ATP13A4: variants seen among roughly 807,000 people sequenced by gnomAD.
The protein encoded by ATP13A4 is probable cation-transporting ATPase 13A4.
ATP13A4 carries 114 observed loss-of-function variants against 142.5 expected under a neutral mutation model. That is an observed-to-expected ratio of 0.80 (90% confidence interval 0.69 to 0.93). The LOEUF (loss-of-function observed/expected upper bound fraction) is 0.93, where lower values mean the gene tolerates loss of function less well. ATP13A4 is among the 40% of genes least tolerant of loss of function. ATP13A4 has a pLI of 0.00. For synonymous variants in ATP13A4, 488 were observed against 514.8 expected, an observed-to-expected ratio of 0.95 and a Z score of 0.70; for missense variants, 1,392 against 1,454.0, an observed-to-expected ratio of 0.96 and a Z score of 0.69.
At chr3:193,577,450 G>A (rs573988936) in intron 2 of ATP13A4, among the ~76,000 whole-genome samples, 1 of 152,188 alleles carries the variant, frequency 6.6e-6, no homozygotes, top group East Asian at 1.9e-4. Context: ...TTAAAATCCA[G>A]CTCAAAACTC....
chr3:193,480,606 A>G (rs1719234971), intron 8 of ATP13A4, among the ~76,000 whole-genome samples: 1 of 152,222 alleles, frequency 6.6e-6, no homozygotes, highest in South Asian at 2.1e-4. Context: ...AAGAACGGCC[A>G]TAATCAAAAA....
intron 1 of ATP13A4, among the ~76,000 whole-genome samples, chr3:193,551,943 T>G (rs1255949432): frequency 6.6e-6 from 1 of 152,192 alleles, no homozygotes; most frequent in Non-Finnish European, 1.5e-5. Context: ...CTGTTTGCTT[T>G]TGGTTTGTTA....
chr3:193,516,875 A>C (rs1314523221), intron 1 of ATP13A4, among the ~76,000 whole-genome samples: 1 of 152,124 alleles, frequency 6.6e-6, no homozygotes, highest in East Asian at 1.9e-4. Context: ...TTATTATCTT[A>C]ATTCCCCATT....
intron 2 of ATP13A4, among the ~76,000 whole-genome samples, chr3:193,513,119 A>G (rs1721226782): frequency 6.6e-6 from 1 of 152,238 alleles, no homozygotes. Flanking sequence ...CAGCTAAGCT[A>G]GAACATAGAA....
intron 25 of ATP13A4, among the ~76,000 whole-genome samples, chr3:193,426,735 T>TTTAA (rs1445749627): frequency 6.6e-6 from 1 of 151,898 alleles, no homozygotes; most frequent in Admixed American, 6.6e-5. Flanking sequence ...ATTAATACCA[T>TTTAA]TTAATGAAGG....
At chr3:193,515,407 G>A (rs530914394) in intron 1 of ATP13A4, among the ~76,000 whole-genome samples, 4 of 152,300 alleles carry the variant, frequency 2.6e-5, no homozygotes, top group Admixed American at 6.5e-5. Context: ...AAAGAACCAG[G>A]CCTTGAAATC....
chr3:193,549,073 T>C (rs2108726459), intron 1 of ATP13A4, among the ~76,000 whole-genome samples: 1 of 152,310 alleles, frequency 6.6e-6, no homozygotes, highest in African/African-American at 2.4e-5. Flanking sequence ...ACTGATAATT[T>C]TCAATGTCAG....
chr3:193,573,271 A>G (rs1371867435), intron 2 of ATP13A4, among the ~76,000 whole-genome samples: 1 of 93,598 alleles, frequency 1.1e-5, no homozygotes. Flanking sequence ...ATATATATAT[A>G]TATACATATA....
chr3:193,424,449 A>G (rs1259647595), intron 25 of ATP13A4, among the ~76,000 whole-genome samples: 1 of 149,888 alleles, frequency 6.7e-6, no homozygotes, highest in Non-Finnish European at 1.5e-5. Context: ...AAACTACAGT[A>G]ACTAAAACAG....
chr3:193,504,926 T>C (rs576081242), intron 2 of ATP13A4, among the ~76,000 whole-genome samples: 33 of 152,282 alleles, frequency 2.2e-4, no homozygotes, highest in South Asian at 4.1e-4. Flanking sequence ...TATGATTACA[T>C]AGCAGTTTGT....
At chr3:193,424,022 A>G (rs1221476751) in intron 25 of ATP13A4, among the ~76,000 whole-genome samples, 1 of 149,640 alleles carries the variant, frequency 6.7e-6, no homozygotes, top group Non-Finnish European at 1.5e-5. Flanking sequence ...TAGCTTTTAT[A>G]TAGGCTAATG....
rs149108771 is a variant in ATP13A4 at position 193,433,853 on chromosome 3, C to G, written c.2834G>C (p.Gly945Ala). ...GTTTTAAAATGTCTTACTTGTTACA[C>G]CAATAAGAGTTGTAATGGCCAGATC... Reference protein sequence around the residue: ...FQDLAITTLIGVTMNLNGAYP... With the variant: ...FQDLAITTLIAVTMNLNGAYP... The change falls in exon 25 of 30, where the codon GGT (glycine) becomes GCT (alanine). Residue 945 changes from glycine to alanine, a missense_variant. Transcript: ENST00000342695. 6.2e-7 allele frequency: 1 copy of G among 1,612,732 alleles called. No homozygotes were observed. Among genetic ancestry groups the G allele is most frequent in the South Asian group, 1.1e-5 (1 of 91,044 alleles).
At chr3:193,415,494 C>A (rs1715013005) in intron 25 of ATP13A4, among the ~76,000 whole-genome samples, 1 of 152,216 alleles carries the variant, frequency 6.6e-6, no homozygotes, top group Non-Finnish European at 1.5e-5. Context: ...ACTTGATCCA[C>A]CCCCTACTCA....
intron 24 of ATP13A4, among the ~76,000 whole-genome samples, 193 bp downstream of exon 24, chr3:193,435,455 A>G (rs111372918): frequency 2.0e-5 from 3 of 152,194 alleles, no homozygotes; most frequent in Non-Finnish European, 4.4e-5. Context: ...CAGAGAATTG[A>G]CATCAGCAAC....
intron 1 of ATP13A4, among the ~76,000 whole-genome samples, chr3:193,538,453 A>G (rs1722700939): frequency 6.6e-6 from 1 of 151,922 alleles, no homozygotes; most frequent in East Asian, 1.9e-4. Context: ...CAGGCAAGGG[A>G]AAGCTCCTCA....
upstream of ATP13A4, among the ~76,000 whole-genome samples, chr3:193,557,934 C>G (rs1444000848): frequency 6.6e-6 from 1 of 152,196 alleles, no homozygotes; most frequent in Non-Finnish European, 1.5e-5. Context: ...TCAGAGCAAG[C>G]CCATCAGCCT....
intron 25 of ATP13A4, among the ~76,000 whole-genome samples, chr3:193,416,006 A>G (rs1385436392): frequency 1.3e-5 from 2 of 152,184 alleles, no homozygotes; most frequent in East Asian, 1.9e-4. Flanking sequence ...AAAGTGTTGA[A>G]TAAGTACTCC....
intron 3 of ATP13A4, among the ~76,000 whole-genome samples, chr3:193,500,049 T>A (rs1038118986): frequency 6.6e-6 from 1 of 152,028 alleles, no homozygotes; most frequent in Non-Finnish European, 1.5e-5. Context: ...CTGCCAGGAG[T>A]TTATCTGCTT....
At chr3:193,441,617 C>A (rs1184790073) in intron 19 of ATP13A4, 29 bp from the exon 20 acceptor site, 1 of 1,610,568 alleles carries the variant, frequency 6.2e-7, no homozygotes. Context: ...TTATTTTAGA[C>A]TCTTTCATTT....
Sources: gnomAD v4.1 joint callset for allele counts (sites outside exome capture counted in the v4.1 genomes callset) on GRCh38, gnomAD v4.1.1 for gene constraint, MANE v1.5 for transcripts, NCBI Gene and HGNC (gene_info 2026-07-23, HGNC 2026-07-21) for gene names.